Variants in RERG observed in about 807,000 individuals in gnomAD.
The protein encoded by RERG is ras-related and estrogen-regulated growth inhibitor.
RERG carries 25 observed loss-of-function variants against 23.2 expected under a neutral mutation model. That is an observed-to-expected ratio of 1.08 (90% CI 0.79 to 1.50). The LOEUF is 1.50. RERG is among the 40% of genes most tolerant of loss of function. RERG has a pLI of 0.00. For missense variants in RERG, 253 were observed against 250.1 expected (o/e 1.01, Z -0.08); for synonymous variants, 81 against 89.1 (o/e 0.91, Z 0.51).
At chr12:15,149,276 A>AT (rs1864397506) in intron 2 of RERG, among the ~76,000 whole-genome samples, 1 of 152,038 alleles carries the variant, frequency 6.6e-6, no homozygotes, top group Non-Finnish European at 1.5e-5. Context: ...TTTTTCATCT[A>AT]TTTTTTATCA....
intron 2 of RERG, among the ~76,000 whole-genome samples, chr12:15,132,661 G>A (rs921064255): frequency 9.2e-5 from 14 of 152,124 alleles, no homozygotes; most frequent in Admixed American, 8.5e-4. Flanking sequence ...CATCAGTAAC[G>A]TGTGAGAGCT....
chr12:15,115,906 A>G (rs1863712065), intron 3 of RERG, among the ~76,000 whole-genome samples: 1 of 152,196 alleles, frequency 6.6e-6, no homozygotes, highest in Admixed American at 6.5e-5. Context: ...AGCACGGCAC[A>G]TTGCTCAAGT....
At chr12:15,181,324 T>C (rs531338343) in intron 2 of RERG, among the ~76,000 whole-genome samples, 6 of 152,254 alleles carry the variant, frequency 3.9e-5, no homozygotes, top group Non-Finnish European at 8.8e-5. Context: ...AGAGCACTTT[T>C]ATGAAATTCC....
At chr12:15,145,820 G>A (rs917688104) in intron 2 of RERG, among the ~76,000 whole-genome samples, 2 of 152,226 alleles carry the variant, frequency 1.3e-5, no homozygotes, top group African/African-American at 2.4e-5. Context: ...CTGAATTCAC[G>A]TAAAATGGAC....
At chr12:15,151,592 A>G (rs1034416602) in intron 2 of RERG, among the ~76,000 whole-genome samples, 1 of 152,188 alleles carries the variant, frequency 6.6e-6, no homozygotes, top group Non-Finnish European at 1.5e-5. Flanking sequence ...AGATGGGGGG[A>G]AAAATGCTAA....
At chr12:15,171,240 G>A (rs959225753) in intron 2 of RERG, among the ~76,000 whole-genome samples, 25 of 152,294 alleles carry the variant, frequency 1.6e-4, no homozygotes, top group African/African-American at 5.8e-4. Flanking sequence ...GATTAATAGC[G>A]TGAATTTTTA....
In RERG at chr12:15,201,690, T is replaced by C. The variant is rs533176631; in HGVS notation, c.61+15739A>G. 2.5e-4 allele frequency among the ~76,000 whole-genome samples: 37 copies of C among 149,914 alleles called. 1 individual carries two copies. In the East Asian group the frequency reaches 5.6e-3, roughly 23 times the overall value. ...TAATAGTAATTAACAATCATAATAA[T>C]TAGCTAATATTAATTATTAGTAATA... On this transcript the variant is annotated intron_variant, in intron 2 of 4. Coordinates refer to ENST00000256953, the MANE Select transcript of RERG (RefSeq NM_032918.3).
intron 2 of RERG, among the ~76,000 whole-genome samples, chr12:15,206,846 T>C (rs556240533): frequency 1.3e-5 from 2 of 152,244 alleles, no homozygotes; most frequent in South Asian, 4.1e-4. Context: ...TTTGGGCCAA[T>C]AATGGTTGAT....
Position 15,141,015 on chromosome 12 carries a change from A to G in RERG, c.62-19896T>C, listed in dbSNP as rs556353135. 2.0e-5 allele frequency among the ~76,000 whole-genome samples: 3 copies of G among 151,856 alleles called. No individual in the cohort carries two copies. In the South Asian group the frequency reaches 6.2e-4, roughly 32 times the overall value. On this transcript the variant is annotated intron_variant, in intron 2 of 4. Coordinates refer to ENST00000256953, the MANE Select transcript of RERG (RefSeq NM_032918.3). ...ATTTTGCTTCTTTCTCTTTCTTTTTATGGTATTCCAACTATGTGTACATCT... is the reference window on the plus strand; with the variant it reads ...ATTTTGCTTCTTTCTCTTTCTTTTTGTGGTATTCCAACTATGTGTACATCT...
At chr12:15,142,710 G>A (rs1427640150) in intron 2 of RERG, among the ~76,000 whole-genome samples, 2 of 152,030 alleles carry the variant, frequency 1.3e-5, no homozygotes, top group Non-Finnish European at 1.5e-5. Flanking sequence ...GAGAGGGGGG[G>A]TAGGAGAGAA....
intron 2 of RERG, among the ~76,000 whole-genome samples, chr12:15,177,981 A>G (rs1320627048): frequency 2.0e-5 from 3 of 151,876 alleles, no homozygotes. Context: ...ATATATTTAC[A>G]TATTTAAATT....
chr12:15,141,769 G>A (rs577413913), intron 2 of RERG, among the ~76,000 whole-genome samples: 6 of 152,288 alleles, frequency 3.9e-5, no homozygotes, highest in Admixed American at 2.6e-4. Context: ...TTACAAGCTC[G>A]TTCCATTTCA....
In RERG at chr12:15,215,823, CAGG is replaced by C. The variant is rs746863082; in HGVS notation, c.61+1603_61+1605del. ...GCTCAGGCTGATGCATGAGCCTTGA[CAGG>C]AGGAGACACCCAGCTTGCTCCGAGA... On this transcript the variant is annotated intron_variant, in intron 2 of 4. Coordinates refer to ENST00000256953, the MANE Select transcript of RERG (RefSeq NM_032918.3). Among the ~76,000 whole-genome samples, 31 of 152,252 alleles carry C rather than the reference CAGG, an allele frequency of 2.0e-4. No individual in the cohort carries two copies. In the Middle Eastern group the frequency reaches 0.014, roughly 67 times the overall value.
At chr12:15,137,708 C>T (rs571776294) in intron 2 of RERG, 56 of 312,806 alleles carry the variant, frequency 1.8e-4, no homozygotes, top group South Asian at 5.3e-4. Flanking sequence ...ATTGTATCTT[C>T]GTTGTCATTC....
At chr12:15,214,701 G>A (rs766816773) in intron 2 of RERG, among the ~76,000 whole-genome samples, 7 of 152,156 alleles carry the variant, frequency 4.6e-5, no homozygotes, top group Admixed American at 6.5e-5. Context: ...TTGCATATGA[G>A]CCAGGTGTGG....
chr12:15,120,521 G>T (rs912392383), intron 3 of RERG, among the ~76,000 whole-genome samples: 2 of 151,268 alleles, frequency 1.3e-5, no homozygotes, highest in Non-Finnish European at 2.9e-5. Flanking sequence ...AAGAGTGTTT[G>T]CCTACATTTT....
chr12:15,180,470 C>T (rs1314825122), intron 2 of RERG, among the ~76,000 whole-genome samples: 1 of 152,054 alleles, frequency 6.6e-6, no homozygotes, highest in Non-Finnish European at 1.5e-5. Context: ...GAAAACAAGC[C>T]CTATCTCTCT....
At chr12:15,156,820 C>T (rs562654214) in intron 2 of RERG, among the ~76,000 whole-genome samples, 56 of 152,298 alleles carry the variant, frequency 3.7e-4, no homozygotes, top group Middle Eastern at 6.8e-3. Context: ...GTGCAAATCT[C>T]AACCCTACTA....
intron 2 of RERG, among the ~76,000 whole-genome samples, chr12:15,191,839 T>C (rs1377100634): frequency 2.0e-5 from 3 of 152,172 alleles, no homozygotes; most frequent in Admixed American, 2.0e-4. Context: ...CATAGATCCA[T>C]GCACTTCTCT....
Sources: allele counts gnomAD v4.1 joint callset (sites outside exome capture counted in the v4.1 genomes callset), GRCh38; gene constraint gnomAD v4.1.1; transcripts MANE v1.5; gene names NCBI Gene and HGNC (gene_info 2026-07-23, HGNC 2026-07-21).